The following MTMR10 variants were observed in gnomAD, a reference collection of about 807,000 sequenced individuals.
MTMR10 encodes the protein myotubularin-related protein 10.
A neutral mutation model predicts 88.1 loss-of-function variants in MTMR10; 56 were observed. The ratio of observed to expected loss-of-function variants is 0.64; its 90% CI spans 0.51 to 0.79. The LOEUF (loss-of-function observed/expected upper bound fraction) is 0.79. MTMR10 is among the 30% of genes least tolerant of loss of function. The pLI is 0.00. For synonymous variants in MTMR10, 380 were observed against 340.9 expected (o/e 1.11, Z -1.26); for missense variants, 883 against 924.7 (o/e 0.95, Z 0.58).
chr15:30,936,275 T>C (rs1241824487), downstream of MTMR10, among the ~76,000 whole-genome samples: 1 of 152,080 alleles, frequency 6.6e-6, no homozygotes, highest in African/African-American at 2.4e-5. Context: ...TCCAGATCAG[T>C]TTAAGCTGAG....
chr15:30,927,935 G>A, the MTMR10 span: 6 of 985,812 alleles, frequency 6.1e-6, no homozygotes, highest in Non-Finnish European at 7.2e-6. Context: ...AAACATTTGT[G>A]TGACGTGAGG....
At position 30,953,107 on chromosome 15, in the gene MTMR10, A is replaced by C. The variant is rs560345036; in HGVS notation, c.1136+455T>G. Among the ~76,000 whole-genome samples, 3 of 152,244 alleles carry C rather than the reference A, an allele frequency of 2.0e-5. No individual in the cohort carries two copies. In the East Asian group the frequency reaches 5.8e-4, roughly 29 times the overall value. ...GCCTGGCCTCATTTTGTACTTTTTC[A>C]TCAGGGAAATTCATAAACCCTTTAT... On this transcript the variant is annotated intron_variant, in intron 11 of 15. Transcript: ENST00000435680.
At chr15:30,946,536 G>C (rs2063173730) in intron 14 of MTMR10, 1 of 562,748 alleles carries the variant, frequency 1.8e-6, no homozygotes, top group Non-Finnish European at 3.2e-6. Flanking sequence ...CCTCTTCCTA[G>C]AAAGGCTTCC....
intron 2 of MTMR10, among the ~76,000 whole-genome samples, chr15:30,981,306 C>T (rs148750131): frequency 6.6e-6 from 1 of 152,332 alleles, no homozygotes; most frequent in East Asian, 1.9e-4. Context: ...ACAAACAGTA[C>T]AGAAAAGGAA....
chr15:30,963,791 C>T (rs1199199963), intron 6 of MTMR10, among the ~76,000 whole-genome samples: 1 of 152,140 alleles, frequency 6.6e-6, no homozygotes, highest in East Asian at 1.9e-4. Context: ...AGAAGGAAGA[C>T]TTAGGAGTTA....
intron 2 of MTMR10, among the ~76,000 whole-genome samples, chr15:30,978,341 A>G (rs2030309509): frequency 6.6e-6 from 1 of 152,226 alleles, no homozygotes; most frequent in Admixed American, 6.5e-5. Flanking sequence ...GTTAGTGCCT[A>G]GAACAGTGTC....
At chr15:30,922,277 T>G in the MTMR10 span, 45 of 1,613,740 alleles carry the variant, frequency 2.8e-5, no homozygotes, top group Non-Finnish European at 3.6e-5. Flanking sequence ...TCAGAGAATT[T>G]ATTGTCCTGA....
At chr15:30,948,202 T>C (rs2063197512) in intron 13 of MTMR10, 100 bp downstream of exon 13, 5 of 1,129,080 alleles carry the variant, frequency 4.4e-6, no homozygotes, top group Admixed American at 5.9e-5. Context: ...TAAGTTGTAC[T>C]AAATACAGTA....
chr15:30,926,966 C>G, the MTMR10 span: 1 of 985,386 alleles, frequency 1.0e-6, no homozygotes, highest in Non-Finnish European at 1.2e-6. Context: ...TGAAGTACTG[C>G]ACCAAAAATG....
At chr15:30,980,212 A>G (rs1455802609) in intron 2 of MTMR10, among the ~76,000 whole-genome samples, 2 of 152,236 alleles carry the variant, frequency 1.3e-5, no homozygotes, top group Non-Finnish European at 2.9e-5. Context: ...AAAGAGCTCT[A>G]GAGGACCACT....
rs2063366150 is a variant in MTMR10, at chr15:30,959,103, T to C, written c.777A>G (p.Val259=). The C allele has an allele frequency of 1.2e-6, 2 of 1,602,234 alleles. No individual in the cohort carries two copies. The highest frequency in any genetic ancestry group is 1.7e-6 in the Non-Finnish European group (2 of 1,174,206). Residue 259 remains valine (V), a synonymous_variant, in exon 8 of 16, where the codon GTA becomes GTG. Transcript: ENST00000435680. ...MISTCLPEYI[V]VPSSLADQDL... is the part of the protein sequence containing the mutation. ...CTTGGTCTGCTAAAGAACTTGGCAC[T>C]ACAATGTATTCTGGAAGGCTGGAGG... is the stretch of plus-strand genomic sequence containing the variant.
At chr15:30,937,339 T>C, downstream of MTMR10, 2 of 1,368,478 alleles carry the variant, frequency 1.5e-6, no homozygotes, top group Non-Finnish European at 2.0e-6. Flanking sequence ...AATTTTGTTA[T>C]CGTGCATTAT....
chr15:30,964,598 T>C (rs1000765695), intron 6 of MTMR10, among the ~76,000 whole-genome samples: 1 of 152,222 alleles, frequency 6.6e-6, no homozygotes, highest in African/African-American at 2.4e-5. Flanking sequence ...GGTTTTATAG[T>C]CCAGAAATTT....
chr15:30,963,473 A>G (rs1381876942), intron 6 of MTMR10, among the ~76,000 whole-genome samples: 2 of 150,626 alleles, frequency 1.3e-5, no homozygotes, highest in East Asian at 1.9e-4. Context: ...TATTAAAAAT[A>G]CTAAAAAAAA....
chr15:30,976,634 T>A (rs1057496078), intron 3 of MTMR10, among the ~76,000 whole-genome samples, 185 bp downstream of exon 3: 2 of 152,218 alleles, frequency 1.3e-5, no homozygotes, highest in Non-Finnish European at 2.9e-5. Context: ...CTCTCACTAA[T>A]ACTCCTCTAG....
chr15:30,953,926 C>G (rs987077367), intron 10 of MTMR10, among the ~76,000 whole-genome samples: 19 of 152,248 alleles, frequency 1.2e-4, no homozygotes, highest in African/African-American at 3.4e-4. Context: ...CCTGCTCAGC[C>G]TATGCCTTGA....
At chr15:30,933,632 G>C in the MTMR10 span, among the ~76,000 whole-genome samples, 3 of 152,212 alleles carry the variant, frequency 2.0e-5, no homozygotes, top group African/African-American at 7.2e-5. Context: ...ATGTCAATTA[G>C]GTCAAGTTGG....
At chr15:30,967,724 G>A (rs1566959770) in intron 6 of MTMR10, among the ~76,000 whole-genome samples, 196 bp downstream of exon 6, 1 of 152,070 alleles carries the variant, frequency 6.6e-6, no homozygotes, top group Non-Finnish European at 1.5e-5. Context: ...AGCATTAAAG[G>A]TTCTTCCTGG....
At chr15:30,975,756 GACT>G (rs970019734) in intron 3 of MTMR10, among the ~76,000 whole-genome samples, 4 of 152,026 alleles carry the variant, frequency 2.6e-5, no homozygotes, top group Non-Finnish European at 5.9e-5. Flanking sequence ...ATTAGTGAGT[GACT>G]ACATGAAATA....
Sources: allele counts gnomAD v4.1 joint callset (sites outside exome capture counted in the v4.1 genomes callset), GRCh38; gene constraint gnomAD v4.1.1; transcripts MANE v1.5; gene names NCBI Gene and HGNC (gene_info 2026-07-23, HGNC 2026-07-21).